Variants in DUOX2 observed in about 807,000 individuals in gnomAD.
The protein encoded by DUOX2 is dual oxidase 2.
In DUOX2, 185 loss-of-function variants were observed where a neutral mutation model predicts 183.3. That is an observed-to-expected ratio of 1.01 (90% CI 0.90 to 1.14). The LOEUF is 1.14. DUOX2 is among the 50% of genes most tolerant of loss of function. The pLI is 0.00. For synonymous variants in DUOX2, 788 were observed against 812.4 expected (o/e 0.97, Z 0.51); for missense variants, 1,999 against 2,022.9 (o/e 0.99, Z 0.23).
At chr15:45,095,127 A>G in intron 31 of DUOX2, 36 bp from the exon 32 acceptor site, 1 of 1,603,172 alleles carries the variant, frequency 6.2e-7, no homozygotes, top group Non-Finnish European at 8.5e-7. Context: ...GACCCAGCTC[A>G]GTTCAGCCTC....
chr15:45,107,041 T>A (rs994787815), intron 14 of DUOX2, 72 bp from the exon 15 acceptor site: 2 of 1,549,232 alleles, frequency 1.3e-6, no homozygotes, highest in Non-Finnish European at 1.7e-6. Flanking sequence ...TTCCCCTCTA[T>A]CCTATAAAGG....
chr15:45,104,826 T>C (rs1461520299), intron 18 of DUOX2, among the ~76,000 whole-genome samples: 2 of 152,198 alleles, frequency 1.3e-5, no homozygotes, highest in Admixed American at 6.5e-5. Context: ...TATTGTTTTT[T>C]GTTTGTTTTT....
intron 20 of DUOX2, among the ~76,000 whole-genome samples, chr15:45,102,242 C>A (rs1298932574): frequency 1.3e-5 from 2 of 151,634 alleles, no homozygotes; most frequent in Non-Finnish European, 2.9e-5. Context: ...GCATCTACAA[C>A]TGAGAAGATA....
rs778994193 is a variant in DUOX2, at chr15:45,097,742, C to G, written c.3566-1G>C. The stretch of plus-strand genomic sequence containing the variant: ...AGGAGCAGAAGCACACCTGTCATAC[C>G]TGGGGGCAGGAAGACAGGGCCAGTG... On this transcript the variant is annotated splice_acceptor_variant, in intron 27 of 33. Transcript: ENST00000389039. LOFTEE classifies it high-confidence loss of function. 1.2e-6 allele frequency: 2 copies of G among 1,614,234 alleles called. No homozygotes were observed. Among genetic ancestry groups the G allele is most frequent in the South Asian group, 2.2e-5 (2 of 91,088 alleles).
In DUOX2 at chr15:45,106,183, A is replaced by G. The variant is rs751383345; in HGVS notation, c.2090T>C (p.Leu697Pro). The change falls in exon 17 of 34, where the codon CTG (leucine) becomes CCG (proline). Residue 697 changes from leucine (L) to proline (P), a missense_variant. Coordinates refer to ENST00000389039, the MANE Select transcript of DUOX2 (RefSeq NM_001363711.2). ...LQPLQQVNLI[L>P]SNNRGCRTLL... is the part of the protein sequence containing the mutation. ...GGTGCGGCATCCTCGGTTGTTGGAC[A>G]GGATGAGGTTGACCTGCTGCAGAGG... is the stretch of plus-strand genomic sequence containing the variant. The G allele has an allele frequency of 4.0e-5, 64 of 1,614,136 alleles. No individual in the cohort carries two copies. The highest frequency in any genetic ancestry group is 5.1e-5 in the Non-Finnish European group (60 of 1,180,048).
rs770266156 is a variant in DUOX2 at position 45,099,689 on chromosome 15, T to G, written c.3388A>C (p.Ile1130Leu). 6.2e-7 allele frequency: 1 copy of G among 1,614,140 alleles called. No individual in the cohort carries two copies. Among genetic ancestry groups the G allele is most frequent in the East Asian group, 2.2e-5 (1 of 44,880 alleles). Residue 1130 changes from isoleucine (I) to leucine (L), a missense_variant, in exon 25 of 34, where the codon ATC (isoleucine) becomes CTC (leucine). Around this residue, in one of 3 missense-constraint regions of DUOX2, gnomAD observed 1,628 missense variants for 1,608.6 expected, o/e 1.01. Coordinates refer to ENST00000389039, the MANE Select transcript of DUOX2 (RefSeq NM_001363711.2). The part of the protein sequence containing the change: ...FDAAVDFHRW[I>L]AMAAVVLAIL... ...GCCAGGACAACAGCAGCCATGGCGA[T>G]CCAGCGGTGGAAGTCCACTGCGGCA... is the stretch of plus-strand genomic sequence containing the variant.
intron 2 of DUOX2, 128 bp downstream of exon 2, chr15:45,113,214 T>C: frequency 6.9e-7 from 1 of 1,449,048 alleles, no homozygotes; most frequent in South Asian, 1.2e-5. Flanking sequence ...CTGGGAAGTT[T>C]CCCATCCCGC....
chr15:45,097,877 G>T (rs1893947923), intron 27 of DUOX2, 132 bp downstream of exon 27: 2 of 1,550,320 alleles, frequency 1.3e-6, no homozygotes, highest in Non-Finnish European at 1.8e-6. Flanking sequence ...TGCCTGGAGG[G>T]ATTTGAGCTG....
At chr15:45,113,793 C>T (rs896228299) in intron 1 of DUOX2, among the ~76,000 whole-genome samples, 180 bp downstream of exon 1, 1 of 152,174 alleles carries the variant, frequency 6.6e-6, no homozygotes, top group Non-Finnish European at 1.5e-5. Context: ...GCCCCCGATC[C>T]GTCAGGCTCC....
Position 45,114,165 on chromosome 15 carries a change from G to C in DUOX2, c.-207C>G. 3.3e-6 allele frequency: 1 copy of C among 305,984 alleles called. No homozygotes were observed. The highest frequency in any genetic ancestry group is 3.1e-5 in the South Asian group (1 of 32,620). 19.0% of individuals were successfully genotyped at this position (305,984 alleles called of 1,614,324 possible). A position where few individuals can be genotyped will look rare whatever the true frequency, so the allele number is the denominator to read the frequency against. On this transcript the variant is annotated 5_prime_UTR_variant, in exon 1 of 34. Coordinates refer to ENST00000389039, the MANE Select transcript of DUOX2 (RefSeq NM_001363711.2). ...AGGTGTCGGCTCAGGACAGACCTGC[G>C]CCAGTGTGAGCATCTGGACCTAGGG...
chr15:45,110,416 C>T lies in DUOX2; in HGVS notation c.1040+12G>A, dbSNP rs1894348007. 6.2e-7 allele frequency: 1 copy of T among 1,610,948 alleles called. No individual in the cohort carries two copies. Among genetic ancestry groups the T allele is most frequent in the Non-Finnish European group, 8.5e-7 (1 of 1,177,866 alleles). ...TTAGTGTGGTGCCCCTCTCTGCCAA[C>T]CCCTCCCTCACCTCATGTAGACACC... On this transcript the variant is annotated intron_variant, in intron 9 of 33. Coordinates refer to ENST00000389039, the MANE Select transcript of DUOX2 (RefSeq NM_001363711.2).
Position 45,095,567 on chromosome 15 carries a change from C to A in DUOX2, c.4109G>T (p.Gly1370Val), listed in dbSNP as rs201795772. The A allele has an allele frequency of 1.2e-6, 2 of 1,614,190 alleles. No homozygotes were observed. Among genetic ancestry groups the A allele is most frequent in the South Asian group, 2.2e-5 (2 of 91,076 alleles). The change falls in exon 31 of 34, where the codon GGC becomes GTC. Residue 1370 changes from glycine (G) to valine (V), a missense_variant. By Grantham distance (109) the Gly-to-Val change is moderately radical. Transcript: ENST00000389039. ...CTCAAATTTATGCCACTCCTGATGG[C>A]CCTCTCCAAACGGTCCATCAAGGTA... is the stretch of plus-strand genomic sequence containing the variant. ...KLYLDGPFGE[G>V]HQEWHKFEVS... is the part of the protein sequence containing the mutation.
At position 45,100,174 on chromosome 15, in the gene DUOX2, C is replaced by A. The variant is rs770554632; in HGVS notation, c.3060G>T (p.Gln1020His). 3.1e-6 allele frequency: 5 copies of A among 1,614,144 alleles called. No individual in the cohort carries two copies. The highest frequency in any genetic ancestry group is 4.2e-6 in the Non-Finnish European group (5 of 1,180,006). Residue 1020 changes from glutamine (Q) to histidine (H), a missense_variant, in exon 24 of 34, where the codon CAG (glutamine) becomes CAT (histidine). Gln to His is a conservative substitution (Grantham distance 24). Transcript: ENST00000389039. ...GCAGCTTTTGGGCTAGGAAGCCTCG[C>A]TGCATCTTCTCTTGCAGCGCCTCTG... ...LYTEALQEKMQRGFLAQKLQQ... is the reference protein window; with the variant it reads ...LYTEALQEKMHRGFLAQKLQQ...
chr15:45,111,997 T>C, intron 4 of DUOX2, 42 bp from the exon 5 acceptor site: 1 of 1,605,750 alleles, frequency 6.2e-7, no homozygotes. Context: ...CCGTCCGTAT[T>C]GCGCCCTCCC....
chr15:45,100,863 C>T lies in DUOX2; in HGVS notation c.2922-25G>A, dbSNP rs759685177. 2.0e-6 allele frequency: 3 copies of T among 1,529,540 alleles called. No individual in the cohort carries two copies. The South Asian group carries it at 3.4e-5, about 17-fold the overall frequency. 94.7% of individuals were successfully genotyped at this position (1,529,540 alleles called of 1,614,324 possible). ...GCTGAGAAAAAGAAATGGGGCTGTTCTCCCCTTGTCTTTGCAGCCAGGAGA... is the reference window on the plus strand; with the variant it reads ...GCTGAGAAAAAGAAATGGGGCTGTTTTCCCCTTGTCTTTGCAGCCAGGAGA... On this transcript the variant is annotated intron_variant, in intron 22 of 33. Transcript: ENST00000389039.
chr15:45,095,713 G>T, intron 30 of DUOX2, 115 bp downstream of exon 30: 2 of 1,546,038 alleles, frequency 1.3e-6, no homozygotes, highest in South Asian at 1.1e-5. Context: ...AGGCACCCCG[G>T]TCCTCTCCCA....
intron 21 of DUOX2, 116 bp downstream of exon 21, chr15:45,101,676 TC>T: frequency 7.4e-7 from 1 of 1,350,192 alleles, no homozygotes; most frequent in Non-Finnish European, 1.0e-6. Context: ...TGTGCTTGGT[TC>T]TATACTAGGT....
chr15:45,100,450 G>A (rs1894050917), intron 23 of DUOX2: 4 of 610,364 alleles, frequency 6.6e-6, no homozygotes, highest in Non-Finnish European at 1.2e-5. Context: ...CCCTCCTCCT[G>A]TCTGTTTTAT....
intron 29 of DUOX2, among the ~76,000 whole-genome samples, chr15:45,096,965 C>G (rs1432335791): frequency 6.6e-6 from 1 of 152,156 alleles, no homozygotes; most frequent in Non-Finnish European, 1.5e-5. Context: ...GGGCCCTTTC[C>G]CATCCTCAAA....
Sources: allele counts gnomAD v4.1 joint callset (sites outside exome capture counted in the v4.1 genomes callset), GRCh38; gene constraint gnomAD v4.1.1; regional missense constraint gnomAD v4.1.1; transcripts MANE v1.5; gene names NCBI Gene and HGNC (gene_info 2026-07-23, HGNC 2026-07-21).